NFASC: variants seen among roughly 807,000 people sequenced by gnomAD.
The protein encoded by NFASC is neurofascin homolog.
NFASC carries 43 observed loss-of-function variants against 147.5 expected under a neutral mutation model. The ratio of observed to expected loss-of-function variants is 0.29; its 90% confidence interval spans 0.23 to 0.38. The LOEUF (loss-of-function observed/expected upper bound fraction) is 0.38. Among genes scored for constraint, NFASC ranks in the 10% least tolerant of loss-of-function variants. The probability of loss-of-function intolerance (pLI) is 1.00; values close to 1 mark genes in which losing one functional copy is unlikely to be tolerated. For missense variants in NFASC, 1,320 were observed against 1,689.0 expected, an observed-to-expected ratio of 0.78 and a Z score of 3.83; for synonymous variants, 622 against 665.5, an observed-to-expected ratio of 0.93 and a Z score of 1.01.
At chr1:204,984,445 T>G in intron 21 of NFASC, 1 of 150,716 alleles carries the variant, frequency 6.6e-6, no homozygotes, top group Non-Finnish European at 1.4e-5. Flanking sequence ...TGCTGAGAGA[T>G]TCTGCTCAGC....
chr1:204,951,150 A>ATTTT lies in NFASC; in HGVS notation c.109+592_109+595dup, dbSNP rs35794512. On this transcript the variant is annotated intron_variant, in intron 4 of 29. Transcript: ENST00000339876. Reference sequence around the variant, plus strand: ...CAGTTTCTCCTCGGGATGCTATGGGATTTTTTTTTTTTTTTTTTTATGGAG... The same window carrying ATTTT: ...CAGTTTCTCCTCGGGATGCTATGGGATTTTTTTTTTTTTTTTTTTTTTTATGGAG... Among the ~76,000 whole-genome samples the ATTTT allele has an allele frequency of 1.5e-4, 20 of 133,308 alleles. 1 individual carries two copies. Among genetic ancestry groups the ATTTT allele is most frequent in the South Asian group, 4.8e-4 (2 of 4,150 alleles). The allele number at this position is 133,308 out of a possible 152,430, so 87.5% of individuals were successfully genotyped here.
intron 3 of NFASC, chr1:204,946,504 G>C: frequency 2.4e-6 from 1 of 409,258 alleles, no homozygotes; most frequent in African/African-American, 2.0e-5. Context: ...GCACCTCCCC[G>C]GTTGCTGCAG....
intron 24 of NFASC, among the ~76,000 whole-genome samples, chr1:204,995,352 GTA>G (rs1429078162): frequency 5.6e-5 from 8 of 142,606 alleles, no homozygotes; most frequent in South Asian, 2.3e-4. Flanking sequence ...GTGTGTGTGT[GTA>G]TGTGTGTCGG....
At chr1:204,981,050 A>G (rs2095501090) in intron 20 of NFASC, among the ~76,000 whole-genome samples, 1 of 152,248 alleles carries the variant, frequency 6.6e-6, no homozygotes, top group Non-Finnish European at 1.5e-5. Context: ...TGAGAATGCA[A>G]ACGCAGCCAC....
chr1:204,881,201 T>A (rs2080139053), intron 1 of NFASC, among the ~76,000 whole-genome samples: 1 of 152,166 alleles, frequency 6.6e-6, no homozygotes, highest in African/African-American at 2.4e-5. Context: ...ACCTTGGCCC[T>A]AGGGACTGGA....
At chr1:205,014,926 C>T (rs991183388) in intron 29 of NFASC, among the ~76,000 whole-genome samples, 6 of 152,282 alleles carry the variant, frequency 3.9e-5, no homozygotes, top group Admixed American at 2.0e-4. Context: ...CAGTGACTTC[C>T]GCTTCCTGCA....
In NFASC at chr1:204,951,150, A is replaced by ATTT. The variant is rs35794512; in HGVS notation, c.109+593_109+595dup. ...CAGTTTCTCCTCGGGATGCTATGGG[A>ATTT]TTTTTTTTTTTTTTTTTTTATGGAG... On this transcript the variant is annotated intron_variant, in intron 4 of 29. Coordinates refer to ENST00000339876, the MANE Select transcript of NFASC (RefSeq NM_001005388.3). Among the ~76,000 whole-genome samples, 417 of 133,268 alleles carry ATTT rather than the reference A, an allele frequency of 3.1e-3. 9 individuals are homozygous for ATTT. Among genetic ancestry groups the ATTT allele is most frequent in the South Asian group, 4.8e-3 (20 of 4,124 alleles). 87.4% of individuals were successfully genotyped at this position (133,268 alleles called of 152,430 possible). A position where few individuals can be genotyped will look rare whatever the true frequency, so the allele number is the denominator to read the frequency against.
chr1:204,993,448 G>A (rs2095784195), intron 24 of NFASC, among the ~76,000 whole-genome samples: 1 of 152,240 alleles, frequency 6.6e-6, no homozygotes. Context: ...GGGACAGAAA[G>A]ATGAATGACA....
intron 1 of NFASC, among the ~76,000 whole-genome samples, chr1:204,830,007 GT>G (rs1311122630): frequency 0.026 from 25 of 958 alleles, no homozygotes; most frequent in Non-Finnish European, 0.12. Context: ...TTGGCATGGG[GT>G]GTGTGTGTGT....
intron 1 of NFASC, among the ~76,000 whole-genome samples, chr1:204,861,359 G>T (rs1459680694): frequency 6.6e-6 from 1 of 152,076 alleles, no homozygotes; most frequent in Non-Finnish European, 1.5e-5. Context: ...AAAGTGCTGG[G>T]ATTATAGGTA....
intron 8 of NFASC, among the ~76,000 whole-genome samples, chr1:204,960,008 CA>C (rs2094593291): frequency 6.6e-6 from 1 of 152,182 alleles, no homozygotes; most frequent in Admixed American, 6.5e-5. Flanking sequence ...TGGCTGGGAG[CA>C]AGTTCTGGGC....
chr1:204,850,553 C>T (rs2075579136), intron 1 of NFASC, among the ~76,000 whole-genome samples: 1 of 152,222 alleles, frequency 6.6e-6, no homozygotes, highest in Admixed American at 6.5e-5. Context: ...GAATCATGGG[C>T]ACAGACGTCC....
At chr1:204,992,849 C>T (rs2095765419) in intron 24 of NFASC, among the ~76,000 whole-genome samples, 1 of 152,160 alleles carries the variant, frequency 6.6e-6, no homozygotes, top group Non-Finnish European at 1.5e-5. Flanking sequence ...TGTCCCTCTA[C>T]TGAGTGGGTG....
At chr1:204,859,453 A>G (rs1385357827) in intron 1 of NFASC, among the ~76,000 whole-genome samples, 5 of 152,220 alleles carry the variant, frequency 3.3e-5, no homozygotes, top group Non-Finnish European at 7.3e-5. Context: ...GGCCAACCAG[A>G]AAGTCTGTGT....
chr1:204,947,129 A>G (rs1210512277), intron 3 of NFASC: 1 of 307,766 alleles, frequency 3.2e-6, no homozygotes, highest in Admixed American at 4.2e-5. Context: ...GAAAATTGCA[A>G]GTTCACAGGG....
chr1:204,946,856 G>C, intron 3 of NFASC: 1 of 482,122 alleles, frequency 2.1e-6, no homozygotes, highest in South Asian at 1.5e-5. Context: ...ACCAAGCGAG[G>C]CCAGCCGCCC....
In NFASC at chr1:204,877,022, ATATATAATATATATT is replaced by A. The variant is rs1322656318; in HGVS notation, c.-199-43603_-199-43589del. ...TATATATATATATATATATATATAT[ATATATAATATATATT>A]TATATATATATAATATATTTATTTA... On this transcript the variant is annotated intron_variant, in intron 1 of 29. Coordinates refer to ENST00000339876, the MANE Select transcript of NFASC (RefSeq NM_001005388.3). Among the ~76,000 whole-genome samples the A allele has an allele frequency of 4.7e-4, 49 of 103,492 alleles. 2 individuals are homozygous for A. The highest frequency in any genetic ancestry group is 2.2e-3 in the African/African-American group (45 of 20,740). 67.9% of individuals were successfully genotyped at this position (103,492 alleles called of 152,430 possible). A position where few individuals can be genotyped will look rare whatever the true frequency, so the allele number is the denominator to read the frequency against.
At chr1:204,970,574 A>T (rs780230952) in intron 10 of NFASC, 42 bp from the exon 11 acceptor site, 1 of 1,611,762 alleles carries the variant, frequency 6.2e-7, no homozygotes, top group South Asian at 1.1e-5. Flanking sequence ...TGCCTGTCCC[A>T]TGCCATCTAA....
intron 5 of NFASC, among the ~76,000 whole-genome samples, chr1:204,953,390 G>A (rs1022183464): frequency 2.0e-5 from 3 of 152,132 alleles, no homozygotes; most frequent in Non-Finnish European, 2.9e-5. Context: ...TCCACTTCCC[G>A]GGTTCATGCC....
Sources: gnomAD v4.1 joint callset for allele counts (sites outside exome capture counted in the v4.1 genomes callset) on GRCh38, gnomAD v4.1.1 for gene constraint, MANE v1.5 for transcripts, NCBI Gene and HGNC (gene_info 2026-07-23, HGNC 2026-07-21) for gene names.